The following MALRD1 variants were observed in gnomAD, a reference collection of about 807,000 sequenced individuals.
MALRD1 encodes MAM and LDL receptor class A domain containing 1.
A neutral mutation model predicts 242.1 loss-of-function variants in MALRD1; 247 were observed. The observed-to-expected ratio is 1.02, with a 90% CI of 0.92 to 1.13. The LOEUF (loss-of-function observed/expected upper bound fraction) is 1.13. MALRD1 is among the 50% of genes most tolerant of loss of function. MALRD1 has a pLI of 0.00. For missense variants in MALRD1, 2,989 were observed against 2,533.1 expected (o/e 1.18, Z -3.86); for synonymous variants, 995 against 866.6 (o/e 1.15, Z -2.60).
At chr10:19,267,744 A>G (rs752180765) in intron 19 of MALRD1, among the ~76,000 whole-genome samples, 29 of 152,118 alleles carry the variant, frequency 1.9e-4, no homozygotes, top group Admixed American at 8.5e-4. Flanking sequence ...GTATTTTTCT[A>G]AAGGAGGTGT....
At chr10:19,368,037 C>T (rs1255925295) in intron 26 of MALRD1, among the ~76,000 whole-genome samples, 1 of 152,018 alleles carries the variant, frequency 6.6e-6, no homozygotes, top group Non-Finnish European at 1.5e-5. Flanking sequence ...TAGTTTGCAA[C>T]ATTTTCAATT....
In MALRD1 at chr10:19,319,877, A is replaced by C. The variant is rs1355718572; in HGVS notation, c.3420-4072A>C. 2.1e-5 allele frequency among the ~76,000 whole-genome samples: 3 copies of C among 140,396 alleles called. No homozygotes were observed. The South Asian group carries it at 6.8e-4, about 32-fold the overall frequency. 92.1% of individuals were successfully genotyped at this position (140,396 alleles called of 152,430 possible). Reference sequence around the variant, plus strand: ...GTTCACACCATAGCACCTGATAACTATACCTTTATAATGAGTCTTTTTTTT... The same window carrying C: ...GTTCACACCATAGCACCTGATAACTCTACCTTTATAATGAGTCTTTTTTTT... On this transcript the variant is annotated intron_variant, in intron 21 of 39. Transcript: ENST00000454679.
intron 36 of MALRD1, among the ~76,000 whole-genome samples, chr10:19,690,863 G>C (rs950558014): frequency 6.6e-6 from 1 of 151,968 alleles, no homozygotes; most frequent in African/African-American, 2.4e-5. Context: ...TTCTCCATAT[G>C]TCTTAGGTTT....
chr10:19,401,714 T>C (rs1460541123), intron 28 of MALRD1, among the ~76,000 whole-genome samples: 2 of 151,950 alleles, frequency 1.3e-5, no homozygotes, highest in Non-Finnish European at 2.9e-5. Context: ...TCACACAAGA[T>C]CACAGAGAAT....
At chr10:19,212,006 C>T (rs114379978) in intron 18 of MALRD1, among the ~76,000 whole-genome samples, 2 of 152,242 alleles carry the variant, frequency 1.3e-5, no homozygotes, top group African/African-American at 2.4e-5. Context: ...TTGTTAATGT[C>T]AGTTGAAATA....
chr10:19,639,834 C>T (rs1185017303), intron 36 of MALRD1, among the ~76,000 whole-genome samples: 1 of 152,066 alleles, frequency 6.6e-6, no homozygotes, highest in Admixed American at 6.5e-5. Flanking sequence ...ATTAATTAAA[C>T]CTAGAGTTAC....
intron 36 of MALRD1, among the ~76,000 whole-genome samples, chr10:19,620,480 C>T (rs769051297): frequency 1.3e-5 from 2 of 151,956 alleles, no homozygotes; most frequent in Non-Finnish European, 1.5e-5. Context: ...ATTACATTTT[C>T]GATGTCTACA....
At chr10:19,447,126 C>A (rs1172167771) in intron 28 of MALRD1, among the ~76,000 whole-genome samples, 1 of 150,902 alleles carries the variant, frequency 6.6e-6, no homozygotes, top group Non-Finnish European at 1.5e-5. Context: ...ACTGAGAGTG[C>A]TTTTACAGTA....
At chr10:19,143,163 A>G (rs1833609769) in intron 10 of MALRD1, among the ~76,000 whole-genome samples, 1 of 152,246 alleles carries the variant, frequency 6.6e-6, no homozygotes, top group African/African-American at 2.4e-5. Flanking sequence ...AACCAATAAA[A>G]CATCTAGGTA....
chr10:19,135,501 G>A (rs1054950519), intron 9 of MALRD1, among the ~76,000 whole-genome samples: 2 of 152,100 alleles, frequency 1.3e-5, no homozygotes, highest in African/African-American at 4.8e-5. Context: ...CTTTAAGCTG[G>A]ATGAAACTGA....
chr10:19,149,324 G>T (rs138892150), intron 11 of MALRD1, among the ~76,000 whole-genome samples: 74 of 152,074 alleles, frequency 4.9e-4, no homozygotes, highest in African/African-American at 1.7e-3. Context: ...AGGTTTCACC[G>T]TGTTGACCAG....
At chr10:19,694,735 G>T (rs1833286645) in intron 38 of MALRD1, among the ~76,000 whole-genome samples, 1 of 152,186 alleles carries the variant, frequency 6.6e-6, no homozygotes, top group Non-Finnish European at 1.5e-5. Context: ...TATACCCAAA[G>T]GGATATAAAT....
chr10:19,732,347 C>T (rs1835331190), intron 39 of MALRD1, among the ~76,000 whole-genome samples: 1 of 152,160 alleles, frequency 6.6e-6, no homozygotes, highest in African/African-American at 2.4e-5. Flanking sequence ...ACTGCAACCT[C>T]CACCTCCTGG....
intron 14 of MALRD1, among the ~76,000 whole-genome samples, chr10:19,190,841 A>C (rs1835944592): frequency 1.3e-5 from 2 of 152,084 alleles, no homozygotes; most frequent in African/African-American, 4.8e-5. Context: ...AAGACCTAAA[A>C]CTATAAAACT....
intron 19 of MALRD1, among the ~76,000 whole-genome samples, chr10:19,266,820 T>G (rs964636305): frequency 1.3e-5 from 2 of 152,024 alleles, no homozygotes; most frequent in African/African-American, 4.8e-5. Context: ...TAAAATGATG[T>G]TGTCTATTAC....
At chr10:19,604,951 A>C (rs1037966961) in intron 34 of MALRD1, among the ~76,000 whole-genome samples, 8 of 152,074 alleles carry the variant, frequency 5.3e-5, no homozygotes, top group African/African-American at 1.9e-4. Context: ...ATTTTTAATA[A>C]ACATTATCTT....
intron 33 of MALRD1, among the ~76,000 whole-genome samples, chr10:19,591,942 G>C (rs1488969284): frequency 6.6e-6 from 1 of 152,198 alleles, no homozygotes; most frequent in Non-Finnish European, 1.5e-5. Flanking sequence ...GTAGAATACA[G>C]AATTTTCATT....
At chr10:19,251,894 T>G (rs1839306782) in intron 18 of MALRD1, among the ~76,000 whole-genome samples, 1 of 151,868 alleles carries the variant, frequency 6.6e-6, no homozygotes, top group South Asian at 2.1e-4. Flanking sequence ...TGTTTAAAAG[T>G]GTGTTGCACT....
intron 26 of MALRD1, among the ~76,000 whole-genome samples, chr10:19,353,661 A>G (rs1218640994): frequency 2.0e-5 from 3 of 152,232 alleles, no homozygotes; most frequent in Non-Finnish European, 4.4e-5. Flanking sequence ...AGGGAAATAT[A>G]CATAGGTGGA....
Sources: allele counts gnomAD v4.1 joint callset (sites outside exome capture counted in the v4.1 genomes callset), GRCh38; gene constraint gnomAD v4.1.1; transcripts MANE v1.5; gene names NCBI Gene and HGNC (gene_info 2026-07-23, HGNC 2026-07-21).